The following BRINP3 variants were observed in gnomAD, a reference collection of about 807,000 sequenced individuals.
BRINP3 encodes BMP/retinoic acid-inducible neural-specific protein 3.
A neutral mutation model predicts 71.0 loss-of-function variants in BRINP3; 19 were observed. That is an observed-to-expected ratio of 0.27 (90% CI 0.19 to 0.39). The LOEUF is 0.39. BRINP3 is among the 10% of genes least tolerant of loss of function. The pLI, the probability that BRINP3 is intolerant of heterozygous loss-of-function variation, is 1.00. For synonymous variants in BRINP3, 380 were observed against 337.7 expected, an observed-to-expected ratio of 1.13 and a Z score of -1.37; for missense variants, 959 against 940.8, an observed-to-expected ratio of 1.02 and a Z score of -0.25.
At chr1:190,407,183 A>G (rs1199688074) in intron 2 of BRINP3, among the ~76,000 whole-genome samples, 1 of 152,214 alleles carries the variant, frequency 6.6e-6, no homozygotes, top group Admixed American at 6.5e-5. Context: ...TAGAAATAGT[A>G]GTATAATGTG....
chr1:190,389,783 A>C (rs748410812), intron 2 of BRINP3, among the ~76,000 whole-genome samples: 11 of 151,834 alleles, frequency 7.2e-5, no homozygotes, highest in Non-Finnish European at 1.3e-4. Context: ...AGCAACATGA[A>C]AATTCTTGCT....
At chr1:190,232,029 A>G (rs1286495577) in intron 5 of BRINP3, among the ~76,000 whole-genome samples, 1 of 151,970 alleles carries the variant, frequency 6.6e-6, no homozygotes, top group Non-Finnish European at 1.5e-5. Flanking sequence ...CTAAATTCAG[A>G]AGATTCCAAA....
chr1:190,128,862 C>T (rs1360369832), intron 7 of BRINP3, among the ~76,000 whole-genome samples: 1 of 151,632 alleles, frequency 6.6e-6, no homozygotes, highest in Non-Finnish European at 1.5e-5. Flanking sequence ...CTTCCTGACT[C>T]AATTTATTTA....
At chr1:190,105,667 C>T (rs575406328) in intron 7 of BRINP3, among the ~76,000 whole-genome samples, 30 of 152,086 alleles carry the variant, frequency 2.0e-4, no homozygotes, top group Middle Eastern at 3.4e-3. Context: ...AGCTTCTTAT[C>T]GTCATGAACT....
At chr1:190,465,064 C>T (rs1334727067) in intron 1 of BRINP3, among the ~76,000 whole-genome samples, 1 of 151,908 alleles carries the variant, frequency 6.6e-6, no homozygotes, top group Admixed American at 6.6e-5. Flanking sequence ...AAGGTAAGTT[C>T]CATTCCTTAA....
chr1:190,440,566 G>T (rs949448681), intron 2 of BRINP3, among the ~76,000 whole-genome samples: 1 of 151,880 alleles, frequency 6.6e-6, no homozygotes, highest in African/African-American at 2.4e-5. Flanking sequence ...TAAACTTAGA[G>T]AATTCCCTGT....
At chr1:190,398,940 AC>A in intron 2 of BRINP3, among the ~76,000 whole-genome samples, 1 of 152,084 alleles carries the variant, frequency 6.6e-6, no homozygotes, top group South Asian at 2.1e-4. Context: ...CCCCTGAGAT[AC>A]CCGTCTTCCA....
chr1:190,289,690 T>A (rs1216919330), intron 2 of BRINP3, among the ~76,000 whole-genome samples: 1 of 152,024 alleles, frequency 6.6e-6, no homozygotes, highest in Non-Finnish European at 1.5e-5. Context: ...GCACTTGGTC[T>A]TACCATCTTC....
chr1:190,400,030 G>A (rs900778203), intron 2 of BRINP3, among the ~76,000 whole-genome samples: 5 of 151,972 alleles, frequency 3.3e-5, no homozygotes, highest in Admixed American at 1.3e-4. Flanking sequence ...ATTAGCATTT[G>A]TTGACCACCC....
intron 7 of BRINP3, among the ~76,000 whole-genome samples, chr1:190,125,039 CA>C (rs1487549165): frequency 6.6e-6 from 1 of 151,914 alleles, no homozygotes; most frequent in Non-Finnish European, 1.5e-5. Flanking sequence ...CCAACACCTT[CA>C]TTTGGTAGAT....
intron 5 of BRINP3, 97 bp from the exon 6 acceptor site, chr1:190,226,415 G>C: frequency 1.6e-6 from 1 of 641,938 alleles, no homozygotes; most frequent in African/African-American, 1.9e-5. Context: ...AAATAATTTA[G>C]TGTATTAAAT....
At chr1:190,415,101 T>C (rs1239255890) in intron 2 of BRINP3, among the ~76,000 whole-genome samples, 2 of 152,168 alleles carry the variant, frequency 1.3e-5, no homozygotes, top group Non-Finnish European at 2.9e-5. Context: ...AAAATTCATG[T>C]TGAATTTGTG....
At chr1:190,395,831 A>C (rs1671530473) in intron 2 of BRINP3, among the ~76,000 whole-genome samples, 1 of 151,796 alleles carries the variant, frequency 6.6e-6, no homozygotes, top group Admixed American at 6.6e-5. Context: ...ATGCTCTTTA[A>C]GTTTTTGGTA....
chr1:190,360,110 T>A (rs1480865778), intron 2 of BRINP3, among the ~76,000 whole-genome samples: 1 of 152,128 alleles, frequency 6.6e-6, no homozygotes, highest in African/African-American at 2.4e-5. Flanking sequence ...ACTGTAAATT[T>A]CCCTCACTCT....
intron 1 of BRINP3, among the ~76,000 whole-genome samples, chr1:190,461,220 C>A (rs1676376611): frequency 6.6e-6 from 1 of 152,152 alleles, no homozygotes; most frequent in Non-Finnish European, 1.5e-5. Flanking sequence ...GAGTTATTAA[C>A]CAAACACCAA....
intron 2 of BRINP3, among the ~76,000 whole-genome samples, chr1:190,287,558 T>A (rs1416926167): frequency 6.6e-6 from 1 of 152,106 alleles, no homozygotes; most frequent in Non-Finnish European, 1.5e-5. Context: ...AAAAGTCCAA[T>A]CACAAATACA....
chr1:190,375,481 G>C (rs891192204), intron 2 of BRINP3, among the ~76,000 whole-genome samples: 1 of 151,790 alleles, frequency 6.6e-6, no homozygotes, highest in Non-Finnish European at 1.5e-5. Flanking sequence ...GTATTCAAAA[G>C]CAAAAGGCAT....
intron 2 of BRINP3, among the ~76,000 whole-genome samples, chr1:190,308,141 A>G (rs912717805): frequency 6.6e-6 from 1 of 151,976 alleles, no homozygotes; most frequent in Non-Finnish European, 1.5e-5. Flanking sequence ...GATAGTTTTC[A>G]ATTCTATTTA....
intron 7 of BRINP3, among the ~76,000 whole-genome samples, chr1:190,144,878 C>A (rs1326110403): frequency 6.6e-6 from 1 of 152,152 alleles, no homozygotes; most frequent in Admixed American, 6.6e-5. Context: ...TTTGAACATG[C>A]TGCTGTTCAG....
Sources: allele counts gnomAD v4.1 joint callset (sites outside exome capture counted in the v4.1 genomes callset), GRCh38; gene constraint gnomAD v4.1.1; transcripts MANE v1.5; gene names NCBI Gene and HGNC (gene_info 2026-07-23, HGNC 2026-07-21).